ZFAND3: variants seen among roughly 807,000 people sequenced by gnomAD.
ZFAND3 encodes the protein AN1-type zinc finger protein 3.
Under a neutral mutation model 29.6 loss-of-function variants are expected in ZFAND3, and 10 were observed. That is an observed-to-expected ratio of 0.34 (90% CI 0.21 to 0.57). The LOEUF is 0.57. Among genes scored for constraint, ZFAND3 ranks in the 20% least tolerant of loss-of-function variants. ZFAND3 has a pLI of 0.86. For missense variants in ZFAND3, 230 were observed against 304.5 expected, an observed-to-expected ratio of 0.76 and a Z score of 1.82; for synonymous variants, 128 against 112.6, an observed-to-expected ratio of 1.14 and a Z score of -0.87.
intron 2 of ZFAND3, among the ~76,000 whole-genome samples, chr6:38,053,092 G>A (rs1287305366): frequency 6.6e-6 from 1 of 151,876 alleles, no homozygotes; most frequent in Non-Finnish European, 1.5e-5. Context: ...GAAAGAGCAT[G>A]GAGTGTCTGA....
intron 2 of ZFAND3, among the ~76,000 whole-genome samples, chr6:38,040,696 G>A (rs1763743360): frequency 6.6e-6 from 1 of 152,258 alleles, no homozygotes; most frequent in Non-Finnish European, 1.5e-5. Context: ...TATTCTGTAT[G>A]TATGTTTGTA....
chr6:38,014,332 T>TA (rs201842561), intron 2 of ZFAND3, among the ~76,000 whole-genome samples: 80,006 of 147,422 alleles, frequency 0.54, 22,767 homozygotes, highest in South Asian at 0.63. Flanking sequence ...TTATTATTAT[T>TA]TTTTTTTTTT....
intron 2 of ZFAND3, among the ~76,000 whole-genome samples, chr6:38,004,511 C>G (rs1318996216): frequency 2.1e-5 from 3 of 141,474 alleles, no homozygotes; most frequent in Admixed American, 7.2e-5. Context: ...AGAGTTAACA[C>G]ACTTGGAAGT....
intron 1 of ZFAND3, among the ~76,000 whole-genome samples, chr6:37,924,082 T>G (rs1241351382): frequency 1.3e-5 from 2 of 152,184 alleles, no homozygotes; most frequent in Non-Finnish European, 2.9e-5. Context: ...AGCAGATTTC[T>G]CACTCCGTGT....
At chr6:37,904,244 G>A (rs973231519) in intron 1 of ZFAND3, among the ~76,000 whole-genome samples, 2 of 152,154 alleles carry the variant, frequency 1.3e-5, no homozygotes, top group African/African-American at 2.4e-5. Flanking sequence ...ATTAATGGGC[G>A]AAGTTCCATC....
chr6:37,935,208 A>G (rs983557378), intron 2 of ZFAND3, among the ~76,000 whole-genome samples: 1 of 152,186 alleles, frequency 6.6e-6, no homozygotes, highest in Admixed American at 6.6e-5. Context: ...TAAACTATTG[A>G]AAAGGATGGT....
intron 4 of ZFAND3, among the ~76,000 whole-genome samples, chr6:38,114,096 C>T (rs924782948): frequency 6.6e-6 from 1 of 152,204 alleles, no homozygotes; most frequent in Admixed American, 6.5e-5. Context: ...CTTGTGCTGA[C>T]ACCTGCCTCC....
intron 3 of ZFAND3, among the ~76,000 whole-genome samples, chr6:38,079,357 A>ACAAGCT (rs1561991492): frequency 6.6e-6 from 1 of 152,194 alleles, no homozygotes; most frequent in Non-Finnish European, 1.5e-5. Context: ...TGTTAGTTTA[A>ACAAGCT]CAAGCTCTCT....
intron 2 of ZFAND3, among the ~76,000 whole-genome samples, chr6:38,043,579 C>T (rs1763837970): frequency 6.7e-6 from 1 of 149,900 alleles, no homozygotes; most frequent in Non-Finnish European, 1.5e-5. Context: ...TCCCCCTTCC[C>T]CTCTTCCCCT....
At chr6:37,906,312 TATA>T (rs1765406107) in intron 1 of ZFAND3, among the ~76,000 whole-genome samples, 1 of 152,206 alleles carries the variant, frequency 6.6e-6, no homozygotes, top group Non-Finnish European at 1.5e-5. Context: ...CTTTTCACTG[TATA>T]ATGTTTTCAG....
chr6:38,092,710 A>G (rs534456732), intron 4 of ZFAND3, among the ~76,000 whole-genome samples: 1 of 152,294 alleles, frequency 6.6e-6, no homozygotes, highest in Non-Finnish European at 1.5e-5. Context: ...AAACTGAGAT[A>G]CAGCTCTGTT....
chr6:38,004,260 T>C (rs999615701), intron 2 of ZFAND3, among the ~76,000 whole-genome samples: 1 of 152,186 alleles, frequency 6.6e-6, no homozygotes, highest in Admixed American at 6.5e-5. Context: ...ATTTTGAAGG[T>C]GATTTCTGAT....
chr6:38,149,547 G>GT (rs984238918), intron 5 of ZFAND3, among the ~76,000 whole-genome samples: 3 of 151,990 alleles, frequency 2.0e-5, no homozygotes, highest in African/African-American at 7.2e-5. Context: ...GGTAGAGGGA[G>GT]TATCAGGTAG....
chr6:38,015,143 T>G (rs1037599656), intron 2 of ZFAND3, among the ~76,000 whole-genome samples: 1 of 152,182 alleles, frequency 6.6e-6, no homozygotes, highest in East Asian at 1.9e-4. Flanking sequence ...GGGAAATCTT[T>G]TATATTATAA....
chr6:37,940,201 A>T (rs951172460), intron 2 of ZFAND3, among the ~76,000 whole-genome samples: 2 of 152,254 alleles, frequency 1.3e-5, no homozygotes, highest in African/African-American at 4.8e-5. Context: ...AGATAGACTC[A>T]GAAAAGCACG....
At chr6:38,080,188 G>T (rs1322194334) in intron 3 of ZFAND3, among the ~76,000 whole-genome samples, 4 of 151,936 alleles carry the variant, frequency 2.6e-5, no homozygotes, top group African/African-American at 9.7e-5. Context: ...GATAGCATTA[G>T]GAGAAATACC....
chr6:38,120,021 A>G (rs1023413205), intron 5 of ZFAND3, among the ~76,000 whole-genome samples: 6 of 152,198 alleles, frequency 3.9e-5, no homozygotes, highest in African/African-American at 1.4e-4. Flanking sequence ...CAGGGTGCCA[A>G]TTAGAAAAGG....
At chr6:38,117,167 T>A (rs1038399464) in intron 5 of ZFAND3, among the ~76,000 whole-genome samples, 1 of 152,270 alleles carries the variant, frequency 6.6e-6, no homozygotes, top group East Asian at 1.9e-4. Flanking sequence ...GAAGATTTTT[T>A]TTTCTCCATA....
rs1031561511 is a variant in ZFAND3, at chr6:37,855,015, A to T, written c.71+34999A>T. ...GAGGCATTTGGGATCTTGCTGGATT[A>T]TGGTATGGTTGCTCACTAATTACCT... On this transcript the variant is annotated intron_variant, in intron 1 of 5. Coordinates refer to ENST00000287218, the MANE Select transcript of ZFAND3 (RefSeq NM_021943.3). Among the ~76,000 whole-genome samples, 3 of 105,362 alleles carry T rather than the reference A, an allele frequency of 2.8e-5. No individual in the cohort carries two copies. In the South Asian group the frequency reaches 9.8e-4, roughly 34 times the overall value. The allele number at this position is 105,362 out of a possible 152,430, so 69.1% of individuals were successfully genotyped here. A position where few individuals can be genotyped will look rare whatever the true frequency, so the allele number is the denominator to read the frequency against.
Sources: allele counts gnomAD v4.1 joint callset (sites outside exome capture counted in the v4.1 genomes callset), GRCh38; gene constraint gnomAD v4.1.1; transcripts MANE v1.5; gene names NCBI Gene and HGNC (gene_info 2026-07-23, HGNC 2026-07-21).